NTNG1: variants seen among roughly 807,000 people sequenced by gnomAD.
The protein encoded by NTNG1 is netrin G1, also known as netrin-G1.
A neutral mutation model predicts 54.0 loss-of-function variants in NTNG1; 16 were observed. That is an observed-to-expected ratio of 0.30 (90% confidence interval 0.20 to 0.45). NTNG1 has a LOEUF of 0.45. Among genes scored for constraint, NTNG1 ranks in the 20% least tolerant of loss-of-function variants. The pLI, the probability that NTNG1 is intolerant of heterozygous loss-of-function variation, is 1.00. For missense variants in NTNG1, 530 were observed against 678.7 expected (o/e 0.78, Z 2.43); for synonymous variants, 255 against 263.1 (o/e 0.97, Z 0.30).
At chr1:107,378,555 C>A (rs1030520493) in intron 3 of NTNG1, among the ~76,000 whole-genome samples, 3 of 152,090 alleles carry the variant, frequency 2.0e-5, no homozygotes, top group East Asian at 1.9e-4. Flanking sequence ...GTCACAGCCA[C>A]GGGAGCTGGG....
chr1:107,439,935 G>A (rs1158799398), intron 7 of NTNG1, among the ~76,000 whole-genome samples: 1 of 151,856 alleles, frequency 6.6e-6, no homozygotes, highest in Admixed American at 6.6e-5. Flanking sequence ...CCCCTTGAGT[G>A]CATCCTTGTC....
At chr1:107,376,265 G>A (rs1671229734) in intron 3 of NTNG1, among the ~76,000 whole-genome samples, 2 of 152,176 alleles carry the variant, frequency 1.3e-5, no homozygotes, top group South Asian at 2.1e-4. Flanking sequence ...GAAATTAGCT[G>A]GGCGCGGTGG....
chr1:107,389,357 G>A (rs191834586), intron 3 of NTNG1, among the ~76,000 whole-genome samples: 1 of 152,176 alleles, frequency 6.6e-6, no homozygotes, highest in East Asian at 1.9e-4. Flanking sequence ...AGGCTATATG[G>A]ACCTCGAGCT....
intron 2 of NTNG1, among the ~76,000 whole-genome samples, chr1:107,273,617 G>A (rs1664291494): frequency 1.3e-5 from 2 of 152,210 alleles, no homozygotes; most frequent in South Asian, 4.2e-4. Flanking sequence ...TACCTAGTAG[G>A]TGCTGTCTGA....
At chr1:107,373,614 G>T (rs1570793364) in intron 3 of NTNG1, among the ~76,000 whole-genome samples, 3 of 137,986 alleles carry the variant, frequency 2.2e-5, no homozygotes, top group African/African-American at 5.4e-5. Flanking sequence ...AACATTTCTT[G>T]CAGCACATGT....
At chr1:107,209,172 T>G (rs549684385) in intron 2 of NTNG1, among the ~76,000 whole-genome samples, 1 of 152,118 alleles carries the variant, frequency 6.6e-6, no homozygotes, top group South Asian at 2.1e-4. Flanking sequence ...TCCTTGCTTT[T>G]CTACTCTGTC....
Position 107,416,558 on chromosome 1 carries a change from G to A in NTNG1, c.1087+8850G>A, listed in dbSNP as rs113317656. Among the ~76,000 whole-genome samples the A allele has an allele frequency of 5.5e-3, 831 of 151,642 alleles. 12 individuals are homozygous for A. Among genetic ancestry groups the A allele is most frequent in the African/African-American group, 0.018 (756 of 41,372 alleles). On this transcript the variant is annotated intron_variant, in intron 5 of 7. Transcript: ENST00000370068. ...AAACTGGAACCTCAGCACCCTGTGGGAAAAAAATCATAAAACACTAAGAAA... is the reference window on the plus strand; with the variant it reads ...AAACTGGAACCTCAGCACCCTGTGGAAAAAAAATCATAAAACACTAAGAAA...
At chr1:107,400,156 T>C (rs928840447) in intron 4 of NTNG1, among the ~76,000 whole-genome samples, 13 of 152,272 alleles carry the variant, frequency 8.5e-5, no homozygotes, top group Middle Eastern at 3.4e-3. Context: ...ACTAAATTCA[T>C]TTCTTTCCCC....
chr1:107,292,406 A>G (rs1665670009), intron 2 of NTNG1, among the ~76,000 whole-genome samples: 1 of 152,132 alleles, frequency 6.6e-6, no homozygotes. Flanking sequence ...TGAGCACAAC[A>G]GGAGAGGGTT....
At chr1:107,315,001 C>T (rs4244129) in intron 2 of NTNG1, among the ~76,000 whole-genome samples, 12,298 of 152,198 alleles carry the variant, frequency 0.081, 553 homozygotes, top group Middle Eastern at 0.15. Context: ...TATTATGTCT[C>T]ATAAGAATAT....
intron 5 of NTNG1, chr1:107,421,075 C>T (rs1398785399): frequency 5.0e-6 from 8 of 1,599,672 alleles, no homozygotes; most frequent in Non-Finnish European, 6.8e-6. Context: ...TTCTTTTAAA[C>T]CTATCCAGTT....
chr1:107,362,152 C>T (rs1670340106), intron 3 of NTNG1, among the ~76,000 whole-genome samples: 1 of 152,194 alleles, frequency 6.6e-6, no homozygotes, highest in Non-Finnish European at 1.5e-5. Flanking sequence ...CCAACCTCTA[C>T]CCATTTTCCT....
Position 107,148,450 on chromosome 1 carries a change from C to T in NTNG1, c.-144C>T. 3 of 717,460 alleles carry T rather than the reference C, an allele frequency of 4.2e-6. No homozygotes were observed. Among genetic ancestry groups the T allele is most frequent in the East Asian group, 5.2e-5 (2 of 38,790 alleles). 44.4% of individuals were successfully genotyped at this position (717,460 alleles called of 1,614,324 possible). A position where few individuals can be genotyped will look rare whatever the true frequency, so the allele number is the denominator to read the frequency against. On this transcript the variant is annotated 5_prime_UTR_variant, in exon 2 of 8. Coordinates refer to ENST00000370068, the MANE Select transcript of NTNG1 (RefSeq NM_001113226.3). ...GGTTTTGGGATCTGCTTTGAGGTCC[C>T]ATCTTCATTTAAAAAAAAATACAGA... is the stretch of plus-strand genomic sequence containing the variant.
At chr1:107,354,288 G>A (rs997627440) in intron 3 of NTNG1, among the ~76,000 whole-genome samples, 1 of 151,534 alleles carries the variant, frequency 6.6e-6, no homozygotes, top group Non-Finnish European at 1.5e-5. Context: ...GGCCAATATG[G>A]TGACACCCTG....
In NTNG1 at chr1:107,198,834, C is replaced by A. The variant is rs536156138; in HGVS notation, c.246+49995C>A. Reference sequence around the variant, plus strand: ...ACACGCAGGCTTTCCAAATCCCCTGCAAACTTGGCTCATGGAGTGTTTAGT... The same window carrying A: ...ACACGCAGGCTTTCCAAATCCCCTGAAAACTTGGCTCATGGAGTGTTTAGT... On this transcript the variant is annotated intron_variant, in intron 2 of 7. Transcript: ENST00000370068. 3.3e-5 allele frequency among the ~76,000 whole-genome samples: 5 copies of A among 151,956 alleles called. No individual in the cohort carries two copies. In the South Asian group the frequency reaches 8.3e-4, roughly 25 times the overall value.
intron 7 of NTNG1, among the ~76,000 whole-genome samples, chr1:107,461,214 A>G (rs549787197): frequency 2.0e-5 from 3 of 152,330 alleles, no homozygotes; most frequent in East Asian, 3.9e-4. Flanking sequence ...GGAAAGAAAT[A>G]AACAGTGGGC....
intron 2 of NTNG1, among the ~76,000 whole-genome samples, chr1:107,269,288 T>C (rs1371503667): frequency 1.3e-5 from 2 of 152,216 alleles, no homozygotes; most frequent in South Asian, 2.1e-4. Context: ...TTCCCAAATC[T>C]ACATGACTCA....
At chr1:107,215,658 T>C (rs114366664) in intron 2 of NTNG1, among the ~76,000 whole-genome samples, 4 of 152,232 alleles carry the variant, frequency 2.6e-5, no homozygotes, top group Non-Finnish European at 5.9e-5. Flanking sequence ...TGAGATTTGT[T>C]TTCTAGTTCT....
At chr1:107,421,974 C>A (rs2101249796) in intron 5 of NTNG1, among the ~76,000 whole-genome samples, 1 of 152,060 alleles carries the variant, frequency 6.6e-6, no homozygotes, top group African/African-American at 2.4e-5. Context: ...TGAAAATGAC[C>A]ATAATGTTTT....
Sources: gnomAD v4.1 joint callset for allele counts (sites outside exome capture counted in the v4.1 genomes callset) on GRCh38, gnomAD v4.1.1 for gene constraint, MANE v1.5 for transcripts, NCBI Gene and HGNC (gene_info 2026-07-23, HGNC 2026-07-21) for gene names.